The following CREB5 variants were observed in gnomAD, a reference collection of about 807,000 sequenced individuals.
CREB5 encodes the protein cAMP responsive element binding protein 5, also known as cyclic AMP-responsive element-binding protein 5.
CREB5 carries 19 observed loss-of-function variants against 57.1 expected under a neutral mutation model. The observed-to-expected ratio is 0.33, with a 90% CI of 0.23 to 0.49. CREB5 has a LOEUF of 0.49. CREB5 is among the 20% of genes least tolerant of loss of function. The pLI is 0.99. For synonymous variants in CREB5, 238 were observed against 238.3 expected (o/e 1.00, Z 0.01); for missense variants, 579 against 671.6 (o/e 0.86, Z 1.52).
At chr7:28,476,031 G>T (rs145246766) in intron 1 of CREB5, among the ~76,000 whole-genome samples, 2 of 152,258 alleles carry the variant, frequency 1.3e-5, no homozygotes, top group African/African-American at 4.8e-5. Flanking sequence ...TATTGTCATT[G>T]TTGTAAAAGA....
At chr7:28,808,922 A>G (rs1298139346) in intron 8 of CREB5, among the ~76,000 whole-genome samples, 1 of 152,142 alleles carries the variant, frequency 6.6e-6, no homozygotes, top group African/African-American at 2.4e-5. Flanking sequence ...AATGCCTGTC[A>G]GGGAAAAATC....
chr7:28,389,920 A>G (rs987870699), intron 1 of CREB5, among the ~76,000 whole-genome samples: 3 of 152,090 alleles, frequency 2.0e-5, no homozygotes, highest in African/African-American at 7.2e-5. Context: ...CTGTTGTGCT[A>G]CATGTTGAAT....
At chr7:28,682,146 G>A (rs1234282320) in intron 5 of CREB5, among the ~76,000 whole-genome samples, 1 of 152,196 alleles carries the variant, frequency 6.6e-6, no homozygotes, top group Non-Finnish European at 1.5e-5. Context: ...TGGGGTATAG[G>A]AGGTGCAGTA....
At chr7:28,552,150 C>G (rs544231216) in intron 4 of CREB5, among the ~76,000 whole-genome samples, 1 of 152,178 alleles carries the variant, frequency 6.6e-6, no homozygotes, top group African/African-American at 2.4e-5. Flanking sequence ...AAGTGATTCT[C>G]CTGCTTCAGC....
At chr7:28,579,734 C>T (rs941102028) in intron 5 of CREB5, among the ~76,000 whole-genome samples, 1 of 152,170 alleles carries the variant, frequency 6.6e-6, no homozygotes, top group Non-Finnish European at 1.5e-5. Flanking sequence ...TATTTTTAGT[C>T]TATGGAATGC....
intron 1 of CREB5, among the ~76,000 whole-genome samples, chr7:28,468,551 G>A (rs999317889): frequency 3.2e-4 from 48 of 152,274 alleles, no homozygotes; most frequent in African/African-American, 1.1e-3. Context: ...ACCAGAGTGG[G>A]GGAAGGAGGT....
chr7:28,600,115 C>A (rs1796856972), intron 5 of CREB5, among the ~76,000 whole-genome samples: 2 of 152,034 alleles, frequency 1.3e-5, no homozygotes, highest in Non-Finnish European at 1.5e-5. Context: ...CAATTCAGTA[C>A]CCCCACCCTT....
chr7:28,775,543 C>CAGATATATATATATATATATATAT (rs1806570958), intron 7 of CREB5, among the ~76,000 whole-genome samples: 1 of 120,632 alleles, frequency 8.3e-6, no homozygotes, highest in Non-Finnish European at 1.7e-5. Flanking sequence ...ATTCCTTAGC[C>CAGATATATATATATATATATATAT]ATATATATAT....
chr7:28,491,862 GA>G (rs1391927219), intron 2 of CREB5, among the ~76,000 whole-genome samples: 1 of 152,180 alleles, frequency 6.6e-6, no homozygotes, highest in Non-Finnish European at 1.5e-5. Context: ...TTGGAAACGG[GA>G]ATAAATATAA....
chr7:28,345,527 A>G lies in CREB5; in HGVS notation c.-25+46086A>G, dbSNP rs557176730. Among the ~76,000 whole-genome samples, 4 of 152,228 alleles carry G rather than the reference A, an allele frequency of 2.6e-5. No homozygotes were observed. In the East Asian group the frequency reaches 5.8e-4, roughly 22 times the overall value. ...CTGGGAGGGGCCAGGCTTGACCTCA[A>G]TTTATCCTTTAGGGCAGGGCAGGTC... On this transcript the variant is annotated intron_variant, in intron 1 of 9. Coordinates refer to the CREB5 transcript ENST00000396299.
intron 1 of CREB5, among the ~76,000 whole-genome samples, chr7:28,472,623 G>A (rs6462090): frequency 2.0e-5 from 3 of 152,052 alleles, no homozygotes; most frequent in South Asian, 4.2e-4. Flanking sequence ...GTGTTTTATT[G>A]TATGAGAAGG....
At chr7:28,439,172 G>A (rs772775306) in intron 1 of CREB5, among the ~76,000 whole-genome samples, 2 of 152,082 alleles carry the variant, frequency 1.3e-5, no homozygotes, top group South Asian at 2.1e-4. Flanking sequence ...CCTCTGTATC[G>A]TAAGCTCTAT....
At position 28,708,721 on chromosome 7, in the gene CREB5, A is replaced by G. The variant is rs372785299; in HGVS notation, c.465-10032A>G. On this transcript the variant is annotated intron_variant, in intron 5 of 10. Coordinates refer to ENST00000357727, the MANE Select transcript of CREB5 (RefSeq NM_182898.4). ...GAAGATTGTGCTAGGTGTGGATTCCACCACAGATTATTCGTTAAAATACAC... is the reference window on the plus strand; with the variant it reads ...GAAGATTGTGCTAGGTGTGGATTCCGCCACAGATTATTCGTTAAAATACAC... Among the ~76,000 whole-genome samples, 76 of 152,322 alleles carry G rather than the reference A, an allele frequency of 5.0e-4. No individual in the cohort carries two copies. In the South Asian group the frequency reaches 0.014, roughly 27 times the overall value.
intron 3 of CREB5, among the ~76,000 whole-genome samples, chr7:28,504,115 A>G (rs1402750998): frequency 6.6e-6 from 1 of 152,222 alleles, no homozygotes; most frequent in African/African-American, 2.4e-5. Flanking sequence ...CATTTATGAG[A>G]ATTAATACAA....
chr7:28,441,237 T>C (rs997132532), intron 1 of CREB5, among the ~76,000 whole-genome samples: 1 of 152,204 alleles, frequency 6.6e-6, no homozygotes, highest in Non-Finnish European at 1.5e-5. Context: ...TTGCATTTGG[T>C]TGAAAGCTCC....
At position 28,792,267 on chromosome 7, in the gene CREB5, G is replaced by A. The variant is rs149924255; in HGVS notation, c.703-11932G>A. 3.9e-3 allele frequency among the ~76,000 whole-genome samples: 585 copies of A among 151,764 alleles called. 3 individuals carry two copies. The highest frequency in any genetic ancestry group is 5.2e-3 in the African/African-American group (217 of 41,380). ...TGCAGTGAGGCAAGATCACACCACCGCATTCCAGCCTGGATGATAGAGCAA... is the reference window on the plus strand; with the variant it reads ...TGCAGTGAGGCAAGATCACACCACCACATTCCAGCCTGGATGATAGAGCAA... On this transcript the variant is annotated intron_variant, in intron 7 of 10. Transcript: ENST00000357727.
At chr7:28,807,789 GA>G (rs539185007) in intron 8 of CREB5, among the ~76,000 whole-genome samples, 217 of 143,960 alleles carry the variant, frequency 1.5e-3, no homozygotes, top group African/African-American at 2.9e-3. Context: ...AATGGGAGAG[GA>G]AAAAAAAAAA....
Position 28,488,213 on chromosome 7 carries a change from G to T in CREB5, c.42G>T (p.Arg14Ser). 6.2e-7 allele frequency: 1 copy of T among 1,613,868 alleles called. No homozygotes were observed. Among genetic ancestry groups the T allele is most frequent in the South Asian group, 1.1e-5 (1 of 91,026 alleles). ...EESKMNLEQE[R>S]PFVCSAPGCS... ...CCAAGATGAATTTGGAGCAGGAGAGGCCGTTTGTCTGCAGTGCCCCAGGCT... is the reference window on the plus strand; with the variant it reads ...CCAAGATGAATTTGGAGCAGGAGAGTCCGTTTGTCTGCAGTGCCCCAGGCT... The change falls in exon 2 of 11, where the codon AGG becomes AGT. Residue 14 changes from arginine to serine, a missense_variant. Transcript: ENST00000357727.
At chr7:28,737,553 A>G (rs1330876698) in intron 7 of CREB5, among the ~76,000 whole-genome samples, 2 of 34,902 alleles carry the variant, frequency 5.7e-5, no homozygotes, top group African/African-American at 2.1e-4. Context: ...ATATATATAT[A>G]TATATATATA....
Sources: allele counts gnomAD v4.1 joint callset (sites outside exome capture counted in the v4.1 genomes callset), GRCh38; gene constraint gnomAD v4.1.1; transcripts MANE v1.5; gene names NCBI Gene and HGNC (gene_info 2026-07-23, HGNC 2026-07-21).